MAP1LC3B: variants seen among roughly 807,000 people sequenced by gnomAD.
MAP1LC3B encodes microtubule associated protein 1 light chain 3 beta.
A neutral mutation model predicts 16.7 loss-of-function variants in MAP1LC3B; 12 were observed. The ratio of observed to expected loss-of-function variants is 0.72; its 90% CI spans 0.46 to 1.16. The LOEUF (loss-of-function observed/expected upper bound fraction) is 1.16, where lower values mean the gene tolerates loss of function less well. MAP1LC3B is among the 50% of genes most tolerant of loss of function. The pLI, the probability that MAP1LC3B is intolerant of heterozygous loss-of-function variation, is 0.00. For missense variants in MAP1LC3B, 155 were observed against 159.5 expected (o/e 0.97, Z 0.15); for synonymous variants, 63 against 56.5 (o/e 1.11, Z -0.51).
chr16:87,392,347 C>T lies in MAP1LC3B; in HGVS notation c.-81C>T, dbSNP rs940918206. 1.2e-5 allele frequency: 16 copies of T among 1,323,416 alleles called. No individual in the cohort carries two copies. Among genetic ancestry groups the T allele is most frequent in the Non-Finnish European group, 1.6e-5 (16 of 1,030,990 alleles). The allele number at this position is 1,323,416 out of a possible 1,614,324, so 82.0% of individuals were successfully genotyped here. On this transcript the variant is annotated 5_prime_UTR_variant, in exon 1 of 4. Transcript: ENST00000268607. ...AAGTGGCTATCGCCAGAGTCGGATT[C>T]GCCGCCGCAGCAGCCGCCGCCCCCG...
At chr16:87,399,629 T>C (rs1312534028) in intron 2 of MAP1LC3B, 1 of 455,670 alleles carries the variant, frequency 2.2e-6, no homozygotes, top group African/African-American at 2.0e-5. Context: ...AGAAAAGATG[T>C]CCGCAGCGTT....
rs369783433 is a variant in MAP1LC3B, at chr16:87,396,199, G to T, written c.41-2616G>T. On this transcript the variant is annotated intron_variant, in intron 1 of 3. Coordinates refer to ENST00000268607, the MANE Select transcript of MAP1LC3B (RefSeq NM_022818.5). ...TATATTAAAAAAATGTTTCCAGCCG[G>T]GTGTGGTGGCACATGCCTGTAATCC... 9.9e-5 allele frequency among the ~76,000 whole-genome samples: 15 copies of T among 151,962 alleles called. No homozygotes were observed. The South Asian group carries it at 1.7e-3, about 17-fold the overall frequency.
At chr16:87,393,777 G>C (rs1907698012) in intron 1 of MAP1LC3B, among the ~76,000 whole-genome samples, 1 of 152,122 alleles carries the variant, frequency 6.6e-6, no homozygotes, top group South Asian at 2.1e-4. Context: ...GTCTCACTCT[G>C]TCACCTGGGC....
At chr16:87,399,443 T>TA (rs1265129501) in intron 2 of MAP1LC3B, 3 of 315,932 alleles carry the variant, frequency 9.5e-6, no homozygotes, top group African/African-American at 6.6e-5. Context: ...CTCTCAAACT[T>TA]ACCAAGGAAA....
rs76788332 is a variant in MAP1LC3B, at chr16:87,403,618, C to T, written c.*521C>T. The T allele has an allele frequency of 0.024, 3,670 of 153,236 alleles. 62 individuals are homozygous for T. The highest frequency in any genetic ancestry group is 0.048 in the Middle Eastern group (14 of 294). The allele number at this position is 153,236 out of a possible 1,614,324, so 9.5% of individuals were successfully genotyped here. A position where few individuals can be genotyped will look rare whatever the true frequency, so the allele number is the denominator to read the frequency against. ...CATTTGCCATCACAGTTGGCACAAA[C>T]GCAGGGTAAACGGGCTGTGTGAGAA... is the stretch of plus-strand genomic sequence containing the variant. On this transcript the variant is annotated 3_prime_UTR_variant, in exon 4 of 4. Coordinates refer to ENST00000268607, the MANE Select transcript of MAP1LC3B (RefSeq NM_022818.5).
chr16:87,402,294 CT>C lies in MAP1LC3B; in HGVS notation c.203+16del. 6.2e-7 allele frequency: 1 copy of C among 1,608,608 alleles called. No homozygotes were observed. Among genetic ancestry groups the C allele is most frequent in the Admixed American group, 1.7e-5 (1 of 59,578 alleles). ...TCAAGATAATTAGGTATTCAGTCACCTTTGTTTCATAATATATTTCCTTTGA... is the reference window on the plus strand; with the variant it reads ...TCAAGATAATTAGGTATTCAGTCACCTTGTTTCATAATATATTTCCTTTGA... On this transcript the variant is annotated intron_variant, in intron 3 of 3. Coordinates refer to ENST00000268607, the MANE Select transcript of MAP1LC3B (RefSeq NM_022818.5).
At chr16:87,399,069 G>A (rs950206970) in intron 2 of MAP1LC3B, 199 bp downstream of exon 2, 6 of 570,230 alleles carry the variant, frequency 1.1e-5, no homozygotes, top group South Asian at 5.9e-5. Flanking sequence ...GCAGTGGTGC[G>A]ATCGTAGCTC....
intron 2 of MAP1LC3B, among the ~76,000 whole-genome samples, chr16:87,401,737 C>A (rs2150713345): frequency 6.6e-6 from 1 of 152,226 alleles, no homozygotes; most frequent in African/African-American, 2.4e-5. Flanking sequence ...GCCATGTTGA[C>A]CAGGCTGGTC....
rs1482231998 is a variant in MAP1LC3B, at chr16:87,403,637, G to A, written c.*540G>A. On this transcript the variant is annotated 3_prime_UTR_variant, in exon 4 of 4. Transcript: ENST00000268607. ...CACAAACGCAGGGTAAACGGGCTGT[G>A]TGAGAAAACGGCCCTGACTGTAAAC... The A allele has an allele frequency of 6.6e-6, 1 of 152,666 alleles. No individual in the cohort carries two copies. Among genetic ancestry groups the A allele is most frequent in the African/African-American group, 2.4e-5 (1 of 41,432 alleles). 9.5% of individuals were successfully genotyped at this position (152,666 alleles called of 1,614,324 possible). A position where few individuals can be genotyped will look rare whatever the true frequency, so the allele number is the denominator to read the frequency against.
chr16:87,398,688 G>T, intron 1 of MAP1LC3B, 127 bp from the exon 2 acceptor site: 1 of 798,656 alleles, frequency 1.3e-6, no homozygotes. Flanking sequence ...TTAAGTCCTA[G>T]GAAAGATGTC....
intron 2 of MAP1LC3B, among the ~76,000 whole-genome samples, chr16:87,400,925 G>A (rs759797797): frequency 1.3e-5 from 2 of 151,890 alleles, no homozygotes; most frequent in African/African-American, 4.8e-5. Context: ...ACGAAGTCAG[G>A]GGTTCGAGAC....
chr16:87,395,851 CCTTTT>C (rs1567498878), intron 1 of MAP1LC3B, among the ~76,000 whole-genome samples: 7 of 100,128 alleles, frequency 7.0e-5, no homozygotes, highest in African/African-American at 2.5e-4. Context: ...TTCCTTCTTT[CCTTTT>C]TTTTTTTTTT....
intron 2 of MAP1LC3B, chr16:87,399,139 T>A (rs1907901428): frequency 2.1e-6 from 1 of 468,478 alleles, no homozygotes; most frequent in South Asian, 2.3e-5. Context: ...CCTGAGTAGC[T>A]CTGACTAGAG....
At chr16:87,394,975 C>T (rs2150709685) in intron 1 of MAP1LC3B, among the ~76,000 whole-genome samples, 1 of 148,792 alleles carries the variant, frequency 6.7e-6, no homozygotes, top group South Asian at 2.3e-4. Flanking sequence ...TAACTATTGG[C>T]CTCAAGTGAT....
intron 2 of MAP1LC3B, among the ~76,000 whole-genome samples, chr16:87,401,132 C>CAA (rs10543884): frequency 7.4e-4 from 50 of 67,514 alleles, no homozygotes; most frequent in African/African-American, 2.6e-3. Context: ...GACTCTGTCT[C>CAA]AAAAAAAAAA....
chr16:87,402,828 T>C, intron 3 of MAP1LC3B, 95 bp from the exon 4 acceptor site: 1 of 1,426,808 alleles, frequency 7.0e-7, no homozygotes, highest in Non-Finnish European at 9.5e-7. Flanking sequence ...AGAACATTTT[T>C]ATATTTTACC....
intron 1 of MAP1LC3B, among the ~76,000 whole-genome samples, chr16:87,394,001 G>T (rs1484665974): frequency 1.3e-5 from 2 of 152,242 alleles, no homozygotes; most frequent in East Asian, 3.9e-4. Flanking sequence ...AAGTCTCTGC[G>T]AAGAGTGGGT....
At chr16:87,398,699 T>C in intron 1 of MAP1LC3B, 116 bp from the exon 2 acceptor site, 1 of 856,714 alleles carries the variant, frequency 1.2e-6, no homozygotes, top group Non-Finnish European at 1.9e-6. Context: ...GAAAGATGTC[T>C]TCAGTGTTCT....
intron 1 of MAP1LC3B, chr16:87,392,677 C>G (rs911796877): frequency 1.8e-4 from 51 of 276,292 alleles, no homozygotes; most frequent in Non-Finnish European, 2.7e-4. Context: ...AGGGGCTGGT[C>G]TGGGCCGGGG....
Sources: gnomAD v4.1 joint callset for allele counts (sites outside exome capture counted in the v4.1 genomes callset) on GRCh38, gnomAD v4.1.1 for gene constraint, MANE v1.5 for transcripts, NCBI Gene and HGNC (gene_info 2026-07-23, HGNC 2026-07-21) for gene names.